ELP2: variants seen among roughly 807,000 people sequenced by gnomAD.
ELP2 encodes the protein elongator complex protein 2.
In ELP2, 90 loss-of-function variants were observed where a neutral mutation model predicts 119.2. The observed-to-expected ratio is 0.75, with a 90% CI of 0.64 to 0.90. The LOEUF is 0.90. Among genes scored for constraint, ELP2 ranks in the 40% least tolerant of loss-of-function variants. The pLI, the probability that ELP2 is intolerant of heterozygous loss-of-function variation, is 0.00. For synonymous variants in ELP2, 339 were observed against 331.0 expected (o/e 1.02, Z -0.26); for missense variants, 921 against 967.8 (o/e 0.95, Z 0.64).
intron 11 of ELP2, among the ~76,000 whole-genome samples, chr18:36,148,989 G>A (rs1178690493): frequency 6.6e-6 from 1 of 152,228 alleles, no homozygotes; most frequent in Non-Finnish European, 1.5e-5. Flanking sequence ...AATCTTGTCA[G>A]GTTTCAGAAG....
intron 11 of ELP2, among the ~76,000 whole-genome samples, chr18:36,147,238 T>TA (rs1209838207): frequency 2.0e-5 from 3 of 152,034 alleles, no homozygotes; most frequent in African/African-American, 7.2e-5. Flanking sequence ...CACACCCAGC[T>TA]AATATCTAAA....
chr18:36,138,969 A>G (rs547853099), intron 5 of ELP2, 97 bp downstream of exon 5: 6 of 910,508 alleles, frequency 6.6e-6, no homozygotes, highest in East Asian at 2.4e-5. Context: ...TTAATTTTGT[A>G]TCTGAATGTT....
intron 11 of ELP2, among the ~76,000 whole-genome samples, chr18:36,147,602 C>T (rs1789544): frequency 0.31 from 47,431 of 151,332 alleles, 7,917 homozygotes; most frequent in Middle Eastern, 0.42. Context: ...TTATTAGAGA[C>T]GGGGTTTCAC....
At chr18:36,172,047 A>C (rs1807282238) in intron 21 of ELP2, among the ~76,000 whole-genome samples, 1 of 152,120 alleles carries the variant, frequency 6.6e-6, no homozygotes, top group South Asian at 2.1e-4. Flanking sequence ...AAATGCCTAA[A>C]TGTGGCTGGG....
In ELP2 at chr18:36,180,477, T is replaced by G. The variant is rs566685707; in HGVS notation, c.*5836T>G. ...CAATATATGAAAAACACTAGTTTGG[T>G]CCCTGGGATATAAATAAGACAGCAG... On this transcript the variant is annotated 3_prime_UTR_variant, in exon 22 of 22. Coordinates refer to ENST00000358232, the MANE Select transcript of ELP2 (RefSeq NM_018255.4). The G allele has an allele frequency of 4.6e-5, 7 of 152,336 alleles. No individual in the cohort carries two copies. The highest frequency in any genetic ancestry group is 1.7e-4 in the African/African-American group (7 of 41,574). The allele number at this position is 152,336 out of a possible 1,614,324, so 9.4% of individuals were successfully genotyped here. A position where few individuals can be genotyped will look rare whatever the true frequency, so the allele number is the denominator to read the frequency against.
chr18:36,172,638 A>G (rs975118656), intron 21 of ELP2, among the ~76,000 whole-genome samples: 3 of 152,166 alleles, frequency 2.0e-5, no homozygotes, highest in African/African-American at 7.2e-5. Flanking sequence ...TCCATGCTTC[A>G]GGCATTTGAA....
At chr18:36,141,321 A>G in intron 6 of ELP2, 120 bp downstream of exon 6, 1 of 854,642 alleles carries the variant, frequency 1.2e-6, no homozygotes, top group South Asian at 1.4e-5. Flanking sequence ...ATAATCCAAT[A>G]GAATCTTTTT....
rs14045 is a variant in ELP2, at chr18:36,180,231, C to T, written c.*5590C>T. 54,052 of 152,056 alleles carry T rather than the reference C, an allele frequency of 0.36. 9,683 individuals carry two copies. Among genetic ancestry groups the T allele is most frequent in the Middle Eastern group, 0.44 (129 of 294 alleles). 9.4% of individuals were successfully genotyped at this position (152,056 alleles called of 1,614,324 possible). ...AAGAAGGCATGAAGAAAGGCCTGCC[C>T]CTGACTTTAAAAACATTTCTTGGAA... On this transcript the variant is annotated 3_prime_UTR_variant, in exon 22 of 22. Coordinates refer to ENST00000358232, the MANE Select transcript of ELP2 (RefSeq NM_018255.4).
Position 36,174,738 on chromosome 18 carries a change from G to GTTTTT in ELP2, c.*107_*111dup. 2 of 962,674 alleles carry GTTTTT rather than the reference G, an allele frequency of 2.1e-6. No homozygotes were observed. The highest frequency in any genetic ancestry group is 1.5e-6 in the Non-Finnish European group (1 of 669,168). The allele number at this position is 962,674 out of a possible 1,614,324, so 59.6% of individuals were successfully genotyped here. A position where few individuals can be genotyped will look rare whatever the true frequency, so the allele number is the denominator to read the frequency against. On this transcript the variant is annotated 3_prime_UTR_variant, in exon 22 of 22. Transcript: ENST00000358232. The stretch of plus-strand genomic sequence containing the variant: ...CTTCATAACTGAATTGAGTTTCTGG[G>GTTTTT]TTTTTTTTTTTTTTGAGATGGAGTC...
intron 1 of ELP2, among the ~76,000 whole-genome samples, chr18:36,131,824 G>T (rs1434546623): frequency 1.3e-5 from 2 of 150,898 alleles, no homozygotes; most frequent in Admixed American, 1.3e-4. Flanking sequence ...TATTCCATCA[G>T]ATTTTAAATG....
At position 36,146,386 on chromosome 18, in the gene ELP2, GA is replaced by G; in HGVS notation, c.1125+9del. ...AAACAGAATACAGTTAACCCAGTAA[GA>G]AAAGAGTGTTTAAATAAAGCATTTC... is the stretch of plus-strand genomic sequence containing the variant. On this transcript the variant is annotated splice_donor_region_variant and intron_variant, in intron 11 of 21. Transcript: ENST00000358232. 2.5e-6 allele frequency: 4 copies of G among 1,613,776 alleles called. No homozygotes were observed. The highest frequency in any genetic ancestry group is 3.4e-6 in the Non-Finnish European group (4 of 1,179,756).
intron 6 of ELP2, chr18:36,141,436 G>A: frequency 3.8e-6 from 2 of 524,756 alleles, no homozygotes; most frequent in Non-Finnish European, 6.9e-6. Context: ...ATTAGGTGGG[G>A]GAGGAGAGAT....
chr18:36,160,199 T>G (rs1258590549), intron 16 of ELP2, among the ~76,000 whole-genome samples, 184 bp downstream of exon 16: 1 of 152,192 alleles, frequency 6.6e-6, no homozygotes, highest in Non-Finnish European at 1.5e-5. Flanking sequence ...ATTTTTATAT[T>G]ACTGTTTATT....
In ELP2 at chr18:36,154,832, T is replaced by G. The variant is rs1040129902; in HGVS notation, c.1126-18T>G. On this transcript the variant is annotated intron_variant, in intron 11 of 21. Transcript: ENST00000358232. ...TCTTTGAGTATTTTGATATGTGATA[T>G]GAGCACTTCCATTGCAGAGAGAGTG... The G allele has an allele frequency of 3.7e-6, 6 of 1,613,822 alleles. No individual in the cohort carries two copies. Among genetic ancestry groups the G allele is most frequent in the Non-Finnish European group, 5.1e-6 (6 of 1,179,968 alleles).
chr18:36,146,070 G>A, intron 10 of ELP2, 22 bp downstream of exon 10: 2 of 1,608,758 alleles, frequency 1.2e-6, no homozygotes, highest in Non-Finnish European at 8.5e-7. Flanking sequence ...GGATATTTAA[G>A]GAACAGAAAA....
intron 19 of ELP2, among the ~76,000 whole-genome samples, chr18:36,168,862 C>T (rs2090986265): frequency 6.7e-6 from 1 of 149,678 alleles, no homozygotes; most frequent in African/African-American, 2.5e-5. Flanking sequence ...CAGTATCTTG[C>T]TTTGGTTCTG....
chr18:36,162,168 C>T (rs1160016151), intron 17 of ELP2, among the ~76,000 whole-genome samples: 1 of 152,124 alleles, frequency 6.6e-6, no homozygotes, highest in Non-Finnish European at 1.5e-5. Context: ...TATCCATCAA[C>T]CCCCAACATT....
chr18:36,144,880 G>A (rs760457730), intron 8 of ELP2, 59 bp from the exon 9 acceptor site: 343 of 1,400,750 alleles, frequency 2.4e-4, no homozygotes, highest in Non-Finnish European at 1.2e-4. Context: ...TCTTGGTTAT[G>A]GAAATATTCT....
intron 13 of ELP2, 52 bp from the exon 14 acceptor site, chr18:36,158,783 A>T: frequency 1.6e-6 from 2 of 1,283,514 alleles, no homozygotes. Context: ...TTTTAAAATT[A>T]GCAAATAAAA....
Sources: allele counts gnomAD v4.1 joint callset (sites outside exome capture counted in the v4.1 genomes callset), GRCh38; gene constraint gnomAD v4.1.1; transcripts MANE v1.5; gene names NCBI Gene and HGNC (gene_info 2026-07-23, HGNC 2026-07-21).